The following COX5A variants were observed in gnomAD, a reference collection of about 807,000 sequenced individuals.
COX5A encodes cytochrome c oxidase subunit 5A, mitochondrial.
In COX5A, 6 loss-of-function variants were observed where a neutral mutation model predicts 16.1. That is an observed-to-expected ratio of 0.37 (90% CI 0.20 to 0.73). The LOEUF is 0.73. Ranked by LOEUF, COX5A falls within the 30% of genes least tolerant of loss-of-function variation. The probability of loss-of-function intolerance (pLI) is 0.50; values close to 1 mark genes in which losing one functional copy is unlikely to be tolerated. For synonymous variants in COX5A, 73 were observed against 73.8 expected, an observed-to-expected ratio of 0.99 and a Z score of 0.06; for missense variants, 159 against 194.9, an observed-to-expected ratio of 0.82 and a Z score of 1.10.
chr15:74,936,576 C>G (rs866899708), intron 1 of COX5A, among the ~76,000 whole-genome samples: 3 of 149,964 alleles, frequency 2.0e-5, no homozygotes, highest in Middle Eastern at 3.4e-3. Context: ...CCTTATGGTT[C>G]TACGACAAAT....
chr15:74,926,510 A>AG (rs1491272331), intron 3 of COX5A, among the ~76,000 whole-genome samples: 17 of 151,816 alleles, frequency 1.1e-4, no homozygotes, highest in African/African-American at 4.1e-4. Flanking sequence ...AAAAAAAAAA[A>AG]AGAGAGAAAA....
chr15:74,923,951 G>A (rs1263434365), intron 3 of COX5A, among the ~76,000 whole-genome samples, 181 bp from the exon 4 acceptor site: 2 of 152,030 alleles, frequency 1.3e-5, no homozygotes, highest in African/African-American at 2.4e-5. Flanking sequence ...AGGCTGAGGC[G>A]GGCGGATCAC....
In COX5A at chr15:74,937,904, A is replaced by T; in HGVS notation, c.100+11T>A. 1 of 1,229,616 alleles carries T rather than the reference A, an allele frequency of 8.1e-7. No homozygotes were observed. The allele number at this position is 1,229,616 out of a possible 1,614,324, so 76.2% of individuals were successfully genotyped here. ...CACGAGGGCGCGGGCAGTGGCAAGC[A>T]GGGGCCTTACCCACGGCGGGGCCGG... On this transcript the variant is annotated intron_variant, in intron 1 of 4. Transcript: ENST00000322347.
intron 2 of COX5A, among the ~76,000 whole-genome samples, chr15:74,927,716 G>C (rs1054773328): frequency 6.6e-6 from 1 of 152,038 alleles, no homozygotes; most frequent in African/African-American, 2.4e-5. Flanking sequence ...AGGTTGCAGT[G>C]AGCTGAGATC....
rs1368409448 is a variant in COX5A at position 74,919,877 on chromosome 15, G to C, written c.*575C>G. 1 of 153,442 alleles carries C rather than the reference G, an allele frequency of 6.5e-6. No homozygotes were observed. Among genetic ancestry groups the C allele is most frequent in the African/African-American group, 2.4e-5 (1 of 41,444 alleles). The allele number at this position is 153,442 out of a possible 1,614,324, so 9.5% of individuals were successfully genotyped here. On this transcript the variant is annotated 3_prime_UTR_variant, in exon 5 of 5. Coordinates refer to ENST00000322347, the MANE Select transcript of COX5A (RefSeq NM_004255.4). ...TCCAAGGCTAATACACCACTGCAAG[G>C]GAAGAACAGGTAGGAAAGGAAAGGG...
At chr15:74,936,905 A>T (rs2141275736) in intron 1 of COX5A, among the ~76,000 whole-genome samples, 1 of 152,222 alleles carries the variant, frequency 6.6e-6, no homozygotes, top group African/African-American at 2.4e-5. Flanking sequence ...CTGGGATTAC[A>T]GGCATGAGCC....
At position 74,926,909 on chromosome 15, in the gene COX5A, C is replaced by T. The variant is rs377436159; in HGVS notation, c.218-22G>A. ...ATCCCTGCAAAATTAAAAAGAAGGG[C>T]CATGTCAACCTCGAAGAGCCTCACT... On this transcript the variant is annotated intron_variant, in intron 2 of 4. Coordinates refer to ENST00000322347, the MANE Select transcript of COX5A (RefSeq NM_004255.4). 8 of 1,603,358 alleles carry T rather than the reference C, an allele frequency of 5.0e-6. 1 individual carries two copies. The Middle Eastern group carries it at 5.0e-4, about 100-fold the overall frequency.
chr15:74,931,261 G>A (rs1466344813), intron 1 of COX5A, among the ~76,000 whole-genome samples: 1 of 152,026 alleles, frequency 6.6e-6, no homozygotes, highest in East Asian at 1.9e-4. Flanking sequence ...AGCACTTTGG[G>A]AGGCTGAGAC....
intron 3 of COX5A, among the ~76,000 whole-genome samples, chr15:74,924,144 G>A (rs2065333329): frequency 6.6e-6 from 1 of 151,932 alleles, no homozygotes; most frequent in African/African-American, 2.4e-5. Context: ...TCACGCCACT[G>A]CACTCCAGCC....
chr15:74,923,403 G>A (rs1488860123), intron 4 of COX5A, among the ~76,000 whole-genome samples: 2 of 149,768 alleles, frequency 1.3e-5, no homozygotes, highest in African/African-American at 4.9e-5. Context: ...AACAGAATAA[G>A]ACTCCATCTC....
chr15:74,933,329 G>C (rs2065374668), intron 1 of COX5A, among the ~76,000 whole-genome samples: 1 of 151,912 alleles, frequency 6.6e-6, no homozygotes, highest in Admixed American at 6.6e-5. Flanking sequence ...GAGGAGAATA[G>C]CTTGAACCCA....
rs140330686 is a variant in COX5A, at chr15:74,927,132, C to G, written c.218-245G>C. 2.0e-3 allele frequency among the ~76,000 whole-genome samples: 301 copies of G among 152,120 alleles called. 2 individuals are homozygous for G. Among genetic ancestry groups the G allele is most frequent in the African/African-American group, 6.2e-3 (258 of 41,440 alleles). ...AGCACGCAGATTGAAGGAAAAAATC[C>G]TGAGTTTTTTTTTTCCCCTTTGAGA... is the stretch of plus-strand genomic sequence containing the variant. On this transcript the variant is annotated intron_variant, in intron 2 of 4. Coordinates refer to ENST00000322347, the MANE Select transcript of COX5A (RefSeq NM_004255.4).
intron 1 of COX5A, among the ~76,000 whole-genome samples, chr15:74,935,424 G>A (rs2141275062): frequency 2.0e-5 from 3 of 151,982 alleles, no homozygotes; most frequent in East Asian, 3.9e-4. Flanking sequence ...CTGAGCCCAG[G>A]AGTCCCCAGA....
At chr15:74,931,682 T>C (rs2065368234) in intron 1 of COX5A, among the ~76,000 whole-genome samples, 1 of 151,544 alleles carries the variant, frequency 6.6e-6, no homozygotes, top group African/African-American at 2.4e-5. Context: ...GCCTTCTGAG[T>C]AGCTGAGACT....
At chr15:74,934,480 G>A (rs945224874) in intron 1 of COX5A, among the ~76,000 whole-genome samples, 6 of 151,944 alleles carry the variant, frequency 3.9e-5, no homozygotes, top group Non-Finnish European at 8.8e-5. Flanking sequence ...ACAGGCACTC[G>A]CCACCACGCC....
intron 4 of COX5A, 62 bp downstream of exon 4, chr15:74,923,586 A>G (rs1225171669): frequency 2.1e-6 from 2 of 946,794 alleles, no homozygotes; most frequent in African/African-American, 3.2e-5. Context: ...GCACACTGAA[A>G]TGTCATCCAC....
At chr15:74,930,584 T>G (rs1171959759) in intron 1 of COX5A, among the ~76,000 whole-genome samples, 1 of 150,872 alleles carries the variant, frequency 6.6e-6, no homozygotes, top group African/African-American at 2.4e-5. Context: ...CACAGCTCAC[T>G]GCAGCCTCAA....
intron 1 of COX5A, among the ~76,000 whole-genome samples, chr15:74,934,159 G>A (rs2065378745): frequency 2.6e-5 from 4 of 152,104 alleles, no homozygotes; most frequent in Admixed American, 2.6e-4. Flanking sequence ...TGAGGCGGGA[G>A]GATCCCTTGA....
intron 1 of COX5A, among the ~76,000 whole-genome samples, chr15:74,931,493 T>G (rs1355779405): frequency 1.3e-5 from 2 of 151,626 alleles, no homozygotes; most frequent in Non-Finnish European, 2.9e-5. Flanking sequence ...ACAGCAAGAC[T>G]CTGTCTCAAA....
Sources: gnomAD v4.1 joint callset for allele counts (sites outside exome capture counted in the v4.1 genomes callset) on GRCh38, gnomAD v4.1.1 for gene constraint, MANE v1.5 for transcripts, NCBI Gene and HGNC (gene_info 2026-07-23, HGNC 2026-07-21) for gene names.